DLC1: variants seen among roughly 807,000 people sequenced by gnomAD.
The protein encoded by DLC1 is rho GTPase-activating protein 7.
A neutral mutation model predicts 140.3 loss-of-function variants in DLC1; 54 were observed. That is an observed-to-expected ratio of 0.38 (90% confidence interval 0.31 to 0.48). DLC1 has a LOEUF of 0.48. Among genes scored for constraint, DLC1 ranks in the 20% least tolerant of loss-of-function variants. DLC1 has a pLI of 0.96. For missense variants in DLC1, 2,536 were observed against 1,907.0 expected (o/e 1.33, Z -6.14); for synonymous variants, 986 against 728.1 (o/e 1.35, Z -5.70).
intron 5 of DLC1, among the ~76,000 whole-genome samples, chr8:13,116,604 G>A (rs538533713): frequency 6.6e-6 from 1 of 152,292 alleles, no homozygotes; most frequent in East Asian, 1.9e-4. Context: ...AAGCAAGTGG[G>A]AGACTAATAG....
At chr8:13,356,682 G>C (rs1160107874) in intron 4 of DLC1, among the ~76,000 whole-genome samples, 1 of 152,056 alleles carries the variant, frequency 6.6e-6, no homozygotes, top group Non-Finnish European at 1.5e-5. Context: ...GGCCTCCACT[G>C]TTGCTAGCCC....
At chr8:13,303,567 C>T (rs1229587634) in intron 5 of DLC1, among the ~76,000 whole-genome samples, 3 of 152,026 alleles carry the variant, frequency 2.0e-5, no homozygotes, top group Admixed American at 2.0e-4. Context: ...TTTGGGAGGC[C>T]GAGGCGGGCG....
At chr8:13,437,399 C>T (rs1335935932) in intron 2 of DLC1, among the ~76,000 whole-genome samples, 1 of 152,174 alleles carries the variant, frequency 6.6e-6, no homozygotes, top group African/African-American at 2.4e-5. Context: ...AATTGAGCAT[C>T]TTTCGAAAGT....
chr8:13,298,761 A>C (rs1832063384), intron 5 of DLC1, among the ~76,000 whole-genome samples: 1 of 152,210 alleles, frequency 6.6e-6, no homozygotes, highest in South Asian at 2.1e-4. Context: ...CCTGTTAGGC[A>C]CTATGCTCAC....
chr8:13,164,804 G>C (rs1297656973), intron 5 of DLC1, among the ~76,000 whole-genome samples: 6 of 152,160 alleles, frequency 3.9e-5, no homozygotes, highest in Non-Finnish European at 7.3e-5. Flanking sequence ...TACTAAAATT[G>C]TTTGTCAGCT....
intron 12 of DLC1, among the ~76,000 whole-genome samples, chr8:13,093,399 G>T (rs920396325): frequency 6.6e-6 from 1 of 152,060 alleles, no homozygotes; most frequent in Admixed American, 6.6e-5. Context: ...ATTCAGTTCA[G>T]TTCAATTAAT....
chr8:13,368,139 A>G (rs1470429730), intron 4 of DLC1, among the ~76,000 whole-genome samples: 1 of 152,150 alleles, frequency 6.6e-6, no homozygotes, highest in Non-Finnish European at 1.5e-5. Flanking sequence ...AGAAAGTTAG[A>G]GCTCTTCTGT....
At chr8:13,169,897 T>C (rs1173743968) in intron 5 of DLC1, among the ~76,000 whole-genome samples, 1 of 150,950 alleles carries the variant, frequency 6.6e-6, no homozygotes, top group Non-Finnish European at 1.5e-5. Context: ...ATGCCTGTAG[T>C]TCCAGTTAGC....
chr8:13,568,024 A>C, intron 1 of DLC1: 1 of 1,411,460 alleles, frequency 7.1e-7, no homozygotes, highest in East Asian at 2.5e-5. Flanking sequence ...AACTAACTTA[A>C]GACTTTACTA....
chr8:13,161,829 C>A (rs1354760425), intron 5 of DLC1, among the ~76,000 whole-genome samples: 1 of 152,104 alleles, frequency 6.6e-6, no homozygotes, highest in African/African-American at 2.4e-5. Flanking sequence ...ATGTTCAGAG[C>A]CCTGTGCTTC....
chr8:13,101,040 C>T (rs1027771034), intron 8 of DLC1: 1 of 383,298 alleles, frequency 2.6e-6, no homozygotes, highest in South Asian at 1.2e-4. Flanking sequence ...CAGGGATAAG[C>T]TACTGTGCCC....
intron 2 of DLC1, among the ~76,000 whole-genome samples, chr8:13,454,187 G>A (rs923200914): frequency 2.0e-5 from 3 of 152,082 alleles, no homozygotes; most frequent in Non-Finnish European, 2.9e-5. Flanking sequence ...ACAAAATGCT[G>A]AGAATCATGT....
At position 13,278,344 on chromosome 8, in the gene DLC1, C is replaced by T. The variant is rs554562018; in HGVS notation, c.1348+26925G>A. Among the ~76,000 whole-genome samples, 8 of 152,276 alleles carry T rather than the reference C, an allele frequency of 5.3e-5. No homozygotes were observed. In the South Asian group the frequency reaches 1.5e-3, roughly 28 times the overall value. On this transcript the variant is annotated intron_variant, in intron 5 of 17. Transcript: ENST00000276297. The stretch of plus-strand genomic sequence containing the variant: ...TTTCTCCTTCAAAGAGGTCTGGGCA[C>T]CTTGAAGCGTGTTGAATCATGTCAT...
At chr8:13,088,446 G>C (rs930371606) in intron 16 of DLC1, 41 bp downstream of exon 16, 4 of 1,599,060 alleles carry the variant, frequency 2.5e-6, no homozygotes, top group Middle Eastern at 1.7e-4. Flanking sequence ...TTCATATATG[G>C]AGTCATCCTT....
At chr8:13,316,348 G>C (rs775513135) in intron 4 of DLC1, among the ~76,000 whole-genome samples, 16 of 152,002 alleles carry the variant, frequency 1.1e-4, no homozygotes, top group Admixed American at 2.0e-4. Context: ...AGTCATAGGT[G>C]AGTTTTATAC....
chr8:13,234,048 C>A (rs775014832), intron 5 of DLC1, among the ~76,000 whole-genome samples: 2 of 152,110 alleles, frequency 1.3e-5, no homozygotes, highest in Non-Finnish European at 2.9e-5. Flanking sequence ...GTCCATTGAA[C>A]TATCTAGTGT....
intron 4 of DLC1, among the ~76,000 whole-genome samples, chr8:13,390,038 A>T (rs1427924697): frequency 6.6e-6 from 1 of 152,148 alleles, no homozygotes; most frequent in Non-Finnish European, 1.5e-5. Context: ...ATTACATATC[A>T]TTTATTCCTT....
intron 7 of DLC1, among the ~76,000 whole-genome samples, chr8:13,109,304 T>A (rs886822551): frequency 1.3e-5 from 2 of 152,098 alleles, no homozygotes; most frequent in Non-Finnish European, 2.9e-5. Context: ...ACTCCTGTAA[T>A]CCCAGCACTT....
At chr8:13,240,360 C>G (rs2117238329) in intron 5 of DLC1, among the ~76,000 whole-genome samples, 1 of 152,302 alleles carries the variant, frequency 6.6e-6, no homozygotes, top group South Asian at 2.1e-4. Flanking sequence ...ATGTCTTCCT[C>G]AAGATCTTTT....
Sources: allele counts gnomAD v4.1 joint callset (sites outside exome capture counted in the v4.1 genomes callset), GRCh38; gene constraint gnomAD v4.1.1; transcripts MANE v1.5; gene names NCBI Gene and HGNC (gene_info 2026-07-23, HGNC 2026-07-21).